The following DNMT3B variants were observed in gnomAD, a reference collection of about 807,000 sequenced individuals.
DNMT3B encodes DNA methyltransferase 3 beta.
Under a neutral mutation model 120.2 loss-of-function variants are expected in DNMT3B, and 37 were observed. The ratio of observed to expected loss-of-function variants is 0.31; its 90% confidence interval spans 0.24 to 0.40. The LOEUF (loss-of-function observed/expected upper bound fraction) is 0.40, where lower values mean the gene tolerates loss of function less well. DNMT3B is among the 10% of genes least tolerant of loss of function. The pLI, the probability that DNMT3B is intolerant of heterozygous loss-of-function variation, is 1.00. For synonymous variants in DNMT3B, 412 were observed against 442.8 expected, an observed-to-expected ratio of 0.93 and a Z score of 0.87; for missense variants, 878 against 1,137.3, an observed-to-expected ratio of 0.77 and a Z score of 3.28.
rs1283808255 is a variant in DNMT3B at position 32,788,997 on chromosome 20, T to A, written c.798T>A (p.Asp266Glu). ...TGCGGTGGGTCCAGTGGTTTGGCGA[T>A]GGCAAGTTCTCCGAGGTGAGTCCGG... ...SGMRWVQWFG[D>E]GKFSEVSADK... is the part of the protein sequence containing the mutation. Residue 266 changes from aspartate to glutamate, a missense_variant, in exon 7 of 23, where the codon GAT (aspartate) becomes GAA (glutamate). Around this residue, in one of 4 missense-constraint regions of DNMT3B, gnomAD observed 50 missense variants for 89.7 expected, o/e 0.56. Transcript: ENST00000328111. 6.2e-7 allele frequency: 1 copy of A among 1,614,160 alleles called. No individual in the cohort carries two copies. Among genetic ancestry groups the A allele is most frequent in the South Asian group, 1.1e-5 (1 of 91,078 alleles).
At chr20:32,764,779 A>T (rs4911253) in intron 1 of DNMT3B, among the ~76,000 whole-genome samples, 1 of 152,026 alleles carries the variant, frequency 6.6e-6, no homozygotes, top group South Asian at 2.1e-4. Context: ...TCTTAAAGTC[A>T]TAGACATAAC....
intron 1 of DNMT3B, among the ~76,000 whole-genome samples, chr20:32,774,547 T>C (rs1385585202): frequency 2.3e-5 from 3 of 132,746 alleles, no homozygotes; most frequent in African/African-American, 8.5e-5. Flanking sequence ...AAGAAGTACA[T>C]GTGCTTGTTT....
At chr20:32,778,629 C>T (rs1988194765) in intron 1 of DNMT3B, among the ~76,000 whole-genome samples, 1 of 152,204 alleles carries the variant, frequency 6.6e-6, no homozygotes, top group Admixed American at 6.5e-5. Flanking sequence ...AGACTGAGCT[C>T]ACGGTGCCCC....
At chr20:32,767,712 G>C (rs1987471760) in intron 1 of DNMT3B, among the ~76,000 whole-genome samples, 1 of 152,202 alleles carries the variant, frequency 6.6e-6, no homozygotes, top group Non-Finnish European at 1.5e-5. Context: ...GGGACTACAG[G>C]TGTGAGCCTG....
intron 20 of DNMT3B, among the ~76,000 whole-genome samples, chr20:32,805,006 G>A (rs1383753748): frequency 1.3e-5 from 2 of 152,206 alleles, no homozygotes; most frequent in East Asian, 3.8e-4. Context: ...AAGGGGTAGT[G>A]TGACTCGCTC....
In DNMT3B at chr20:32,801,416, G is replaced by A; in HGVS notation, c.2135G>A (p.Arg712Gln). ...GTTGGCGACAAGAGGGACATCTCAC[G>A]GTTCCTGGAGGTGAGGGAATCTGGG... The part of the protein sequence containing the change: ...MKVGDKRDIS[R>Q]FLECNPVMID... Residue 712 changes from arginine to glutamine, a missense_variant, in exon 19 of 23, where the codon CGG (arginine) becomes CAG (glutamine). Physicochemically the swap from Arg to Gln is conservative, Grantham distance 43. Coordinates refer to ENST00000328111, the MANE Select transcript of DNMT3B (RefSeq NM_006892.4). 6.2e-7 allele frequency: 1 copy of A among 1,614,028 alleles called. No homozygotes were observed. The highest frequency in any genetic ancestry group is 8.5e-7 in the Non-Finnish European group (1 of 1,180,032).
chr20:32,803,862 G>A (rs1981664320), intron 20 of DNMT3B, among the ~76,000 whole-genome samples: 1 of 152,198 alleles, frequency 6.6e-6, no homozygotes, highest in African/African-American at 2.4e-5. Context: ...GGCATGGGAA[G>A]TTACAGATGA....
At position 32,780,389 on chromosome 20, in the gene DNMT3B, C is replaced by T. The variant is rs143743194; in HGVS notation, c.66C>T (p.Leu22=). 5.1e-5 allele frequency: 82 copies of T among 1,613,846 alleles called. No homozygotes were observed. The highest frequency in any genetic ancestry group is 1.2e-4 in the Admixed American group (7 of 59,996). The change falls in exon 2 of 23, where the codon CTC becomes CTT. Residue 22 remains leucine (L), a synonymous_variant. Coordinates refer to ENST00000328111, the MANE Select transcript of DNMT3B (RefSeq NM_006892.4). ...EDAGGREDSI[L]VNGACSDQSS... The stretch of plus-strand genomic sequence containing the variant: ...CCGGCGGGAGGGAAGACTCGATCCT[C>T]GTCAACGGGGCCTGCAGCGACCAGT...
chr20:32,779,935 G>C (rs1024087524), intron 1 of DNMT3B: 2 of 737,272 alleles, frequency 2.7e-6, no homozygotes, highest in Non-Finnish European at 4.6e-6. Flanking sequence ...GCAGGGAGAG[G>C]GGGCCAGGGC....
At chr20:32,799,432 T>A in intron 16 of DNMT3B, 104 bp downstream of exon 16, 2 of 1,300,268 alleles carry the variant, frequency 1.5e-6, no homozygotes, top group South Asian at 2.5e-5. Flanking sequence ...GCAAGAAAGG[T>A]CCCTGGGGAT....
rs1982223170 is a variant in DNMT3B, at chr20:32,808,737, C to T, written c.*834C>T. On this transcript the variant is annotated 3_prime_UTR_variant, in exon 23 of 23. Coordinates refer to ENST00000328111, the MANE Select transcript of DNMT3B (RefSeq NM_006892.4). ...GACAAGTATGGCTCCTCCATATCTC[C>T]CTCTTCCCTAGGAGAGGAGTGTGAA... 4.4e-6 allele frequency: 1 copy of T among 229,110 alleles called. No individual in the cohort carries two copies. 14.2% of individuals were successfully genotyped at this position (229,110 alleles called of 1,614,324 possible).
chr20:32,800,113 CA>C, intron 16 of DNMT3B, 39 bp from the exon 17 acceptor site: 1 of 1,613,646 alleles, frequency 6.2e-7, no homozygotes, highest in Non-Finnish European at 8.5e-7. Flanking sequence ...GCTGTGTGCT[CA>C]GCATCATTTA....
At chr20:32,763,206 T>A (rs570177900) in intron 1 of DNMT3B, among the ~76,000 whole-genome samples, 6 of 152,188 alleles carry the variant, frequency 3.9e-5, no homozygotes, top group Non-Finnish European at 8.8e-5. Flanking sequence ...GCAACTGGGA[T>A]GTGGGGTCTT....
chr20:32,795,594 A>C, intron 11 of DNMT3B, 56 bp from the exon 12 acceptor site: 1 of 1,614,104 alleles, frequency 6.2e-7, no homozygotes, highest in South Asian at 1.1e-5. Context: ...CAGATCAGGA[A>C]TTGATCTGTA....
chr20:32,785,018 A>G (rs772159217), intron 4 of DNMT3B, among the ~76,000 whole-genome samples, 159 bp downstream of exon 4: 12 of 148,282 alleles, frequency 8.1e-5, no homozygotes, highest in African/African-American at 2.5e-4. Flanking sequence ...CTCTTGGACT[A>G]TTGTTGGAGG....
intron 1 of DNMT3B, among the ~76,000 whole-genome samples, chr20:32,771,883 T>C: frequency 6.6e-6 from 1 of 152,168 alleles, no homozygotes; most frequent in East Asian, 1.9e-4. Context: ...AGGCGAGTTA[T>C]GTTTTCCGAT....
rs1040425447 is a variant in DNMT3B, at chr20:32,801,354, G to A, written c.2073G>A (p.Pro691=). 4.3e-6 allele frequency: 7 copies of A among 1,614,170 alleles called. No individual in the cohort carries two copies. The highest frequency in any genetic ancestry group is 1.1e-5 in the South Asian group (1 of 91,074). Residue 691 remains proline, a synonymous_variant, in exon 19 of 23, where the codon CCG becomes CCA. Transcript: ENST00000328111. The part of the protein sequence containing the change: ...YSRPKEGDDR[P]FFWMFENVVA... ...GCCCCAAGGAGGGTGATGACCGGCC[G>A]TTCTTCTGGATGTTTGAGAATGTTG... is the stretch of plus-strand genomic sequence containing the variant.
intron 1 of DNMT3B, among the ~76,000 whole-genome samples, chr20:32,767,849 A>C (rs540771098): frequency 1.3e-5 from 2 of 152,352 alleles, no homozygotes; most frequent in Admixed American, 1.3e-4. Context: ...TTCCTTTGGA[A>C]GAAGGCCTCT....
In DNMT3B at chr20:32,802,422, C is replaced by T. The variant is rs1981467535; in HGVS notation, c.2183C>T (p.Ala728Val). The change falls in exon 20 of 23, where the codon GCT becomes GTT. Residue 728 changes from alanine (A) to valine (V), a missense_variant. Physicochemically the swap from Ala to Val is moderately conservative, Grantham distance 64. This residue lies in a region of DNMT3B where 334 missense variants were observed against 518.8 expected (regional missense o/e 0.64). Coordinates refer to ENST00000328111, the MANE Select transcript of DNMT3B (RefSeq NM_006892.4). ...PVMIDAIKVS[A>V]AHRARYFWGN... is the part of the protein sequence containing the mutation. Reference sequence around the variant, plus strand: ...ATGATTGATGCCATCAAAGTTTCTGCTGCTCACAGGGCCCGATACTTCTGG... The same window carrying T: ...ATGATTGATGCCATCAAAGTTTCTGTTGCTCACAGGGCCCGATACTTCTGG... 6.2e-7 allele frequency: 1 copy of T among 1,614,100 alleles called. No individual in the cohort carries two copies.
Sources: gnomAD v4.1 joint callset for allele counts (sites outside exome capture counted in the v4.1 genomes callset) on GRCh38, gnomAD v4.1.1 for gene constraint, gnomAD v4.1.1 regional missense constraint, MANE v1.5 for transcripts, NCBI Gene and HGNC (gene_info 2026-07-23, HGNC 2026-07-21) for gene names.